Variants in RNF150 observed in about 807,000 individuals in gnomAD.
The protein encoded by RNF150 is ring finger protein 150.
Under a neutral mutation model 39.3 loss-of-function variants are expected in RNF150, and 24 were observed. The observed-to-expected ratio is 0.61, with a 90% CI of 0.44 to 0.86. The LOEUF is 0.86. RNF150 is among the 40% of genes least tolerant of loss of function. The pLI is 0.00. For missense variants in RNF150, 502 were observed against 587.8 expected, an observed-to-expected ratio of 0.85 and a Z score of 1.51; for synonymous variants, 255 against 227.3, an observed-to-expected ratio of 1.12 and a Z score of -1.10.
intron 1 of RNF150, among the ~76,000 whole-genome samples, chr4:140,999,711 G>C (rs1454999175): frequency 6.6e-6 from 1 of 151,954 alleles, no homozygotes; most frequent in Non-Finnish European, 1.5e-5. Context: ...AAGGCAGGTG[G>C]ATGACCTGAG....
At chr4:141,012,289 C>T (rs531138440) in intron 1 of RNF150, among the ~76,000 whole-genome samples, 3 of 152,256 alleles carry the variant, frequency 2.0e-5, no homozygotes, top group East Asian at 1.9e-4. Flanking sequence ...TGGTCCTGAC[C>T]GGGCTGGGTT....
rs529698982 is a variant in RNF150, at chr4:140,902,164, C to T, written c.1198+8980G>A. ...ACAGGGAGATAAGAGCTGATAAGGG[C>T]TTGAATTATAGTAGTGGCAGAGGGA... On this transcript the variant is annotated intron_variant, in intron 6 of 6. Coordinates refer to ENST00000515673, the MANE Select transcript of RNF150 (RefSeq NM_020724.2). 3.9e-5 allele frequency among the ~76,000 whole-genome samples: 6 copies of T among 152,112 alleles called. No homozygotes were observed. The South Asian group carries it at 1.2e-3, about 32-fold the overall frequency.
In RNF150 at chr4:140,967,604, T is replaced by C; in HGVS notation, c.735+19A>G. 1 of 1,569,344 alleles carries C rather than the reference T, an allele frequency of 6.4e-7. No homozygotes were observed. On this transcript the variant is annotated intron_variant, in intron 2 of 6. Coordinates refer to ENST00000515673, the MANE Select transcript of RNF150 (RefSeq NM_020724.2). ...TTTTGTAACAATTTTTAAAAGTTTT[T>C]TAACTTTTTGCTACTCACCTGGTTC... is the stretch of plus-strand genomic sequence containing the variant.
At chr4:140,942,462 C>T (rs1429555284) in intron 4 of RNF150, among the ~76,000 whole-genome samples, 1 of 151,918 alleles carries the variant, frequency 6.6e-6, no homozygotes, top group Non-Finnish European at 1.5e-5. Flanking sequence ...GTTAGGTATT[C>T]ACTTGATTTA....
At chr4:141,205,784 T>A (rs941810011) in intron 1 of RNF150, among the ~76,000 whole-genome samples, 1 of 152,184 alleles carries the variant, frequency 6.6e-6, no homozygotes, top group Non-Finnish European at 1.5e-5. Context: ...CAGAGGAGGA[T>A]TTGGCTAAAA....
At chr4:140,900,738 T>C (rs1730159973) in intron 6 of RNF150, among the ~76,000 whole-genome samples, 1 of 152,160 alleles carries the variant, frequency 6.6e-6, no homozygotes, top group Admixed American at 6.6e-5. Flanking sequence ...ACCAATATCA[T>C]TCTCATGAAG....
intron 1 of RNF150, among the ~76,000 whole-genome samples, chr4:141,047,912 C>A (rs1202727850): frequency 2.0e-5 from 3 of 152,138 alleles, no homozygotes; most frequent in Non-Finnish European, 4.4e-5. Flanking sequence ...AAGAATTACC[C>A]AGGCAGCCAC....
At chr4:141,176,070 A>AT (rs1050053714) in intron 1 of RNF150, among the ~76,000 whole-genome samples, 1 of 137,502 alleles carries the variant, frequency 7.3e-6, no homozygotes, top group African/African-American at 2.7e-5. Context: ...TTTTTTTTGT[A>AT]TTTTTTGTAG....
intron 1 of RNF150, among the ~76,000 whole-genome samples, chr4:141,203,595 A>T (rs1728324277): frequency 6.6e-6 from 1 of 151,218 alleles, no homozygotes; most frequent in South Asian, 2.1e-4. Context: ...AGGTCTGGGG[A>T]AGTTATTCTC....
intron 1 of RNF150, among the ~76,000 whole-genome samples, chr4:141,170,156 A>G (rs1727685503): frequency 6.6e-6 from 1 of 152,212 alleles, no homozygotes; most frequent in Admixed American, 6.5e-5. Context: ...TCAAATTTAG[A>G]CTTAATGAGC....
chr4:140,885,968 A>C (rs1023714639), intron 6 of RNF150, among the ~76,000 whole-genome samples: 2 of 152,052 alleles, frequency 1.3e-5, no homozygotes, highest in African/African-American at 4.8e-5. Context: ...AGATGGGTGG[A>C]TCACGAGGTC....
At chr4:141,078,784 C>T (rs529059075) in intron 1 of RNF150, among the ~76,000 whole-genome samples, 8,026 of 93,252 alleles carry the variant, frequency 0.086, 392 homozygotes, top group African/African-American at 0.19. Flanking sequence ...AGCGAAACTC[C>T]GTCTCAAAAA....
chr4:141,096,495 G>A (rs1289768025), intron 1 of RNF150, among the ~76,000 whole-genome samples: 1 of 152,110 alleles, frequency 6.6e-6, no homozygotes, highest in Admixed American at 6.6e-5. Context: ...ACCGTGCCCA[G>A]CCAAGAGTTT....
chr4:140,979,718 G>A (rs944083784), intron 1 of RNF150, among the ~76,000 whole-genome samples: 2 of 152,014 alleles, frequency 1.3e-5, no homozygotes, highest in Non-Finnish European at 2.9e-5. Context: ...GATATTGTAG[G>A]GACCTCTGAA....
intron 6 of RNF150, among the ~76,000 whole-genome samples, chr4:140,910,451 A>T (rs1366529980): frequency 6.6e-6 from 1 of 152,158 alleles, no homozygotes; most frequent in Non-Finnish European, 1.5e-5. Flanking sequence ...GCTAATACAC[A>T]TAATTTAATA....
intron 3 of RNF150, 32 bp downstream of exon 3, chr4:140,949,269 T>G: frequency 6.4e-7 from 1 of 1,559,196 alleles, no homozygotes; most frequent in Non-Finnish European, 8.8e-7. Flanking sequence ...TTTGAATAGC[T>G]CCTCACCAAA....
intron 1 of RNF150, among the ~76,000 whole-genome samples, chr4:141,065,806 G>A (rs1010742894): frequency 3.3e-5 from 5 of 151,822 alleles, no homozygotes; most frequent in East Asian, 1.9e-4. Flanking sequence ...GACTCCCTCC[G>A]CTTGGATGAC....
chr4:140,876,262 G>T (rs1729152353), intron 6 of RNF150, among the ~76,000 whole-genome samples: 1 of 152,178 alleles, frequency 6.6e-6, no homozygotes, highest in Non-Finnish European at 1.5e-5. Context: ...CAACCACATT[G>T]GTTGAATTAT....
At chr4:140,917,609 C>T (rs1353281836) in intron 5 of RNF150, among the ~76,000 whole-genome samples, 1 of 152,214 alleles carries the variant, frequency 6.6e-6, no homozygotes, top group Non-Finnish European at 1.5e-5. Flanking sequence ...TAACACTCCA[C>T]TGTCAACATT....
Sources: gnomAD v4.1 joint callset for allele counts (sites outside exome capture counted in the v4.1 genomes callset) on GRCh38, gnomAD v4.1.1 for gene constraint, MANE v1.5 for transcripts, NCBI Gene and HGNC (gene_info 2026-07-23, HGNC 2026-07-21) for gene names.